The following ROBO1 variants were observed in gnomAD, a reference collection of about 807,000 sequenced individuals.
The protein encoded by ROBO1 is roundabout guidance receptor 1.
In ROBO1, 149 loss-of-function variants were observed where a neutral mutation model predicts 195.9. That is an observed-to-expected ratio of 0.76 (90% CI 0.67 to 0.87). ROBO1 has a LOEUF of 0.87. Among genes scored for constraint, ROBO1 ranks in the 40% least tolerant of loss-of-function variants. ROBO1 has a pLI of 0.00. For synonymous variants in ROBO1, 816 were observed against 733.2 expected (o/e 1.11, Z -1.82); for missense variants, 1,933 against 2,068.3 (o/e 0.93, Z 1.27).
chr3:79,600,877 T>C (rs1209242301), intron 1 of ROBO1, among the ~76,000 whole-genome samples: 1 of 152,024 alleles, frequency 6.6e-6, no homozygotes, highest in Non-Finnish European at 1.5e-5. Flanking sequence ...TTTGTATGCT[T>C]ACATTTCATT....
intron 3 of ROBO1, among the ~76,000 whole-genome samples, chr3:78,971,735 TTAAA>T (rs2076770518): frequency 6.6e-6 from 1 of 151,876 alleles, no homozygotes; most frequent in Non-Finnish European, 1.5e-5. Flanking sequence ...CTGACATCTT[TTAAA>T]TATTTTTTTT....
chr3:79,713,242 C>G (rs895614769), intron 1 of ROBO1, among the ~76,000 whole-genome samples: 1 of 152,012 alleles, frequency 6.6e-6, no homozygotes, highest in Non-Finnish European at 1.5e-5. Flanking sequence ...ATTTTTTCTG[C>G]AGCCATGGAT....
At chr3:79,760,378 TAATC>T (rs1704631127) in intron 1 of ROBO1, among the ~76,000 whole-genome samples, 1 of 144,330 alleles carries the variant, frequency 6.9e-6, no homozygotes, top group Non-Finnish European at 1.5e-5. Context: ...TAATAAAAGG[TAATC>T]AATTTTAACA....
intron 3 of ROBO1, among the ~76,000 whole-genome samples, chr3:79,116,596 T>G (rs2080006759): frequency 6.6e-6 from 1 of 151,388 alleles, no homozygotes; most frequent in African/African-American, 2.4e-5. Flanking sequence ...CTTTGCTCAT[T>G]GCAACCTGTC....
intron 2 of ROBO1, among the ~76,000 whole-genome samples, chr3:79,337,108 A>T (rs1207962221): frequency 6.6e-6 from 1 of 152,194 alleles, no homozygotes; most frequent in Non-Finnish European, 1.5e-5. Flanking sequence ...TTGATTTTAC[A>T]GGCTCATAAG....
intron 3 of ROBO1, among the ~76,000 whole-genome samples, chr3:79,053,424 G>A (rs892486064): frequency 1.3e-5 from 2 of 152,012 alleles, no homozygotes; most frequent in African/African-American, 4.8e-5. Flanking sequence ...GACTCAGACA[G>A]CCTGGGACCA....
intron 2 of ROBO1, among the ~76,000 whole-genome samples, chr3:79,587,496 A>G (rs1012325538): frequency 2.0e-5 from 3 of 151,754 alleles, no homozygotes; most frequent in Non-Finnish European, 4.4e-5. Context: ...TTTTAGAAGC[A>G]TGTTACATTT....
intron 1 of ROBO1, among the ~76,000 whole-genome samples, chr3:79,653,234 AAAT>A (rs1312833040): frequency 6.6e-6 from 1 of 151,862 alleles, no homozygotes; most frequent in Non-Finnish European, 1.5e-5. Flanking sequence ...TTTCATGAAA[AAAT>A]AAATGAGAAA....
chr3:79,209,316 T>C (rs1368708546), intron 2 of ROBO1, among the ~76,000 whole-genome samples: 1 of 152,208 alleles, frequency 6.6e-6, no homozygotes, highest in Admixed American at 6.5e-5. Context: ...GCAAAGGCCA[T>C]TATTTCATTC....
chr3:79,336,948 TTTAG>T (rs761750732), intron 2 of ROBO1, among the ~76,000 whole-genome samples: 17 of 152,196 alleles, frequency 1.1e-4, no homozygotes, highest in South Asian at 4.1e-4. Flanking sequence ...TAGTTTAATG[TTTAG>T]TTAAAGTTTA....
chr3:78,984,285 T>C (rs767052765), intron 3 of ROBO1, among the ~76,000 whole-genome samples: 4 of 152,106 alleles, frequency 2.6e-5, no homozygotes, highest in South Asian at 2.1e-4. Context: ...GGGGAGTAAG[T>C]TGAGGCAGTC....
At chr3:79,435,875 T>TAG (rs770967855) in intron 2 of ROBO1, among the ~76,000 whole-genome samples, 24 of 152,172 alleles carry the variant, frequency 1.6e-4, no homozygotes, top group Non-Finnish European at 2.4e-4. Context: ...TTTTTCTACT[T>TAG]TTCTGAGTTT....
intron 2 of ROBO1, among the ~76,000 whole-genome samples, chr3:79,345,882 C>A (rs930212802): frequency 3.3e-5 from 5 of 151,996 alleles, no homozygotes; most frequent in African/African-American, 4.8e-5. Context: ...TTAAAAATAT[C>A]TTTTCAGTGT....
At chr3:78,856,304 A>C (rs991406608) in intron 4 of ROBO1, among the ~76,000 whole-genome samples, 9 of 151,848 alleles carry the variant, frequency 5.9e-5, no homozygotes, top group Middle Eastern at 3.4e-3. Context: ...AAAAAAAAAA[A>C]AAAACAGTAT....
At chr3:79,162,505 C>CT (rs971386367) in intron 2 of ROBO1, among the ~76,000 whole-genome samples, 1 of 152,000 alleles carries the variant, frequency 6.6e-6, no homozygotes, top group African/African-American at 2.4e-5. Flanking sequence ...ATACATGTGT[C>CT]TTTTTTCTGG....
At chr3:79,398,328 G>A (rs999923689) in intron 2 of ROBO1, among the ~76,000 whole-genome samples, 6 of 151,916 alleles carry the variant, frequency 3.9e-5, no homozygotes, top group African/African-American at 7.3e-5. Context: ...AAATCATGTC[G>A]ATTTTAATAT....
Position 78,714,532 on chromosome 3 carries a change from C to T in ROBO1, c.918-8G>A, listed in dbSNP as rs892349302. 3 of 1,607,162 alleles carry T rather than the reference C, an allele frequency of 1.9e-6. No homozygotes were observed. In the Admixed American group the frequency reaches 5.1e-5, roughly 27 times the overall value. On this transcript the variant is annotated splice_polypyrimidine_tract_variant and splice_region_variant and intron_variant, in intron 7 of 30. Transcript: ENST00000464233. ...TCATCTCGGATTTCATATCTAATGACATAACAAAAGAAAGCACAGTTAAGT... is the reference window on the plus strand; with the variant it reads ...TCATCTCGGATTTCATATCTAATGATATAACAAAAGAAAGCACAGTTAAGT...
chr3:78,782,402 G>T (rs2108488062), intron 4 of ROBO1, among the ~76,000 whole-genome samples: 1 of 152,036 alleles, frequency 6.6e-6, no homozygotes, highest in African/African-American at 2.4e-5. Context: ...TCACTATGTT[G>T]GCCAGGCTGG....
At chr3:78,765,758 T>A (rs577303462) in intron 4 of ROBO1, among the ~76,000 whole-genome samples, 1 of 152,280 alleles carries the variant, frequency 6.6e-6, no homozygotes, top group African/African-American at 2.4e-5. Context: ...GTTAAACAGA[T>A]GGCACTCAGG....
Sources: gnomAD v4.1 joint callset for allele counts (sites outside exome capture counted in the v4.1 genomes callset) on GRCh38, gnomAD v4.1.1 for gene constraint, MANE v1.5 for transcripts, NCBI Gene and HGNC (gene_info 2026-07-23, HGNC 2026-07-21) for gene names.